The following ZNF45 variants were observed in gnomAD, a reference collection of about 807,000 sequenced individuals.
ZNF45 encodes zinc finger protein 45, also known as BRC1744.
ZNF45 carries 4 observed loss-of-function variants against 12.0 expected under a neutral mutation model. The ratio of observed to expected loss-of-function variants is 0.33; its 90% CI spans 0.16 to 0.76. The LOEUF is 0.76. ZNF45 is among the 30% of genes least tolerant of loss of function. The pLI is 0.60. For missense variants in ZNF45, 700 were observed against 813.0 expected (o/e 0.86, Z 1.69); for synonymous variants, 272 against 279.6 (o/e 0.97, Z 0.27).
chr19:43,914,984 T>C lies in ZNF45; in HGVS notation c.452A>G (p.His151Arg). The change falls in exon 10 of 10, where the codon CAT becomes CGT. Residue 151 changes from histidine (H) to arginine (R), a missense_variant. Coordinates refer to ENST00000269973, the MANE Select transcript of ZNF45 (RefSeq NM_003425.4). ...KDEGFSNQSS[H>R]LQVHRVHTGE... ...AGTGTGGACTCTGTGAACTTGAAGA[T>C]GGGAACTCTGATTACTGAATCCCTC... 1.2e-6 allele frequency: 2 copies of C among 1,604,882 alleles called. No individual in the cohort carries two copies. The highest frequency in any genetic ancestry group is 1.7e-6 in the Non-Finnish European group (2 of 1,173,176).
chr19:43,914,081 C>T lies in ZNF45; in HGVS notation c.1355G>A (p.Gly452Asp). 1.9e-6 allele frequency: 3 copies of T among 1,614,066 alleles called. No homozygotes were observed. The highest frequency in any genetic ancestry group is 1.7e-6 in the Non-Finnish European group (2 of 1,179,988). Residue 452 changes from glycine to aspartate, a missense_variant, in exon 10 of 10, where the codon GGC becomes GAC. Coordinates refer to ENST00000269973, the MANE Select transcript of ZNF45 (RefSeq NM_003425.4). ...KPYKCEECGKGFSQASNLLAH... is the reference protein window; with the variant it reads ...KPYKCEECGKDFSQASNLLAH... ...CAGAAGATTTGAGGCCTGGCTGAAG[C>T]CCTTGCCACACTCCTCACATTTATA...
chr19:43,919,212 G>A (rs1972926990), intron 8 of ZNF45, among the ~76,000 whole-genome samples: 1 of 152,076 alleles, frequency 6.6e-6, no homozygotes. Context: ...CTTGGCAACA[G>A]GACATAGTTT....
chr19:43,916,568 G>A (rs954513143), intron 9 of ZNF45, among the ~76,000 whole-genome samples: 1 of 152,078 alleles, frequency 6.6e-6, no homozygotes, highest in South Asian at 2.1e-4. Flanking sequence ...TTATGTCTCT[G>A]TTGAATGGAT....
chr19:43,925,121 C>G (rs1163317386), intron 4 of ZNF45: 1 of 152,194 alleles, frequency 6.6e-6, no homozygotes, highest in Non-Finnish European at 1.5e-5. Flanking sequence ...AGTAACCTAG[C>G]TCTTTCTCTC....
chr19:43,932,066 T>C (rs1189466467), intron 3 of ZNF45, among the ~76,000 whole-genome samples: 1 of 152,206 alleles, frequency 6.6e-6, no homozygotes, highest in African/African-American at 2.4e-5. Flanking sequence ...CCAGGCATGG[T>C]GGCTCATGCC....
In ZNF45 at chr19:43,914,699, T is replaced by G. The variant is rs1972492475; in HGVS notation, c.737A>C (p.Asn246Thr). The G allele has an allele frequency of 1.2e-6, 2 of 1,614,100 alleles. No individual in the cohort carries two copies. Among genetic ancestry groups the G allele is most frequent in the Admixed American group, 1.7e-5 (1 of 60,008 alleles). The stretch of plus-strand genomic sequence containing the variant: ...CCCACACTCTTCATATTTGTATGGA[T>G]TCTCTCCAGTGGGAACTCTCTGATG... ...PHHQRVPTGENPYKYEECGRN... is the reference protein window; with the variant it reads ...PHHQRVPTGETPYKYEECGRN... The change falls in exon 10 of 10, where the codon AAT (asparagine) becomes ACT (threonine). Residue 246 changes from asparagine (N) to threonine (T), a missense_variant. Asn to Thr is a moderately conservative substitution (Grantham distance 65, BLOSUM62 0). Coordinates refer to ENST00000269973, the MANE Select transcript of ZNF45 (RefSeq NM_003425.4).
chr19:43,919,371 A>T (rs943799373), intron 8 of ZNF45, among the ~76,000 whole-genome samples: 42 of 152,254 alleles, frequency 2.8e-4, no homozygotes, highest in African/African-American at 9.9e-4. Flanking sequence ...AAAAGTGTAT[A>T]GTTGTCATGC....
Position 43,922,213 on chromosome 19 carries a change from C to A in ZNF45, c.-28G>T. 1 of 1,601,156 alleles carries A rather than the reference C, an allele frequency of 6.2e-7. No homozygotes were observed. On this transcript the variant is annotated 5_prime_UTR_variant, in exon 7 of 10. Transcript: ENST00000269973. ...TGTCCTCCTCCTTCTGGAGAAGTGC[C>A]AAGTCTTAAGAGGGAAGGAGAAAAC... is the stretch of plus-strand genomic sequence containing the variant.
rs763424589 is a variant in ZNF45 at position 43,913,713 on chromosome 19, G to A, written c.1723C>T (p.Arg575Cys). 2.9e-5 allele frequency: 47 copies of A among 1,613,528 alleles called. No individual in the cohort carries two copies. Among genetic ancestry groups the A allele is most frequent in the East Asian group, 1.8e-4 (8 of 44,872 alleles). Residue 575 changes from arginine (R) to cysteine (C), a missense_variant, in exon 10 of 10, where the codon CGT becomes TGT. Arg to Cys is a radical substitution (Grantham distance 180, BLOSUM62 -3). Transcript: ENST00000269973. ...GGTTTTTCTCCTGTGTGGACTCCAC[G>A]ATGTGCCAGAAAATTGGAGGCCCGA... ...FCRASNFLAH[R>C]GVHTGEKPYR... is the part of the protein sequence containing the mutation.
chr19:43,916,557 T>C (rs1206558392), intron 9 of ZNF45, among the ~76,000 whole-genome samples: 3 of 152,228 alleles, frequency 2.0e-5, no homozygotes, highest in Non-Finnish European at 4.4e-5. Context: ...CTTATTATTT[T>C]TTATGTCTCT....
intron 3 of ZNF45, among the ~76,000 whole-genome samples, chr19:43,928,063 C>T (rs139611798): frequency 2.3e-4 from 35 of 151,798 alleles, no homozygotes; most frequent in African/African-American, 7.7e-4. Flanking sequence ...TGCCTGTAAT[C>T]CCAGCTACTC....
rs1184316032 is a variant in ZNF45 at position 43,912,855 on chromosome 19, T to C, written c.*532A>G. Reference sequence around the variant, plus strand: ...CCACTAACAAGCTGCAACCTTCAGTTTGATAAACACTTGTCCACGAGATCT... The same window carrying C: ...CCACTAACAAGCTGCAACCTTCAGTCTGATAAACACTTGTCCACGAGATCT... On this transcript the variant is annotated 3_prime_UTR_variant, in exon 10 of 10. Coordinates refer to ENST00000269973, the MANE Select transcript of ZNF45 (RefSeq NM_003425.4). The C allele has an allele frequency of 6.6e-6, 1 of 152,466 alleles. No homozygotes were observed. Among genetic ancestry groups the C allele is most frequent in the Non-Finnish European group, 1.5e-5 (1 of 68,280 alleles). The allele number at this position is 152,466 out of a possible 1,614,324, so 9.4% of individuals were successfully genotyped here.
At chr19:43,928,659 T>C (rs1973885196) in intron 3 of ZNF45, among the ~76,000 whole-genome samples, 1 of 152,224 alleles carries the variant, frequency 6.6e-6, no homozygotes, top group African/African-American at 2.4e-5. Context: ...ACTTGAGGTT[T>C]TCACCTCCAA....
chr19:43,933,327 G>A (rs1974282365), intron 2 of ZNF45, among the ~76,000 whole-genome samples: 1 of 152,054 alleles, frequency 6.6e-6, no homozygotes, highest in South Asian at 2.1e-4. Context: ...AAATTAGCAG[G>A]GCGTGGTGAC....
chr19:43,914,636 A>T lies in ZNF45; in HGVS notation c.800T>A (p.Leu267Gln). 6.2e-7 allele frequency: 1 copy of T among 1,613,604 alleles called. No homozygotes were observed. Among genetic ancestry groups the T allele is most frequent in the Non-Finnish European group, 8.5e-7 (1 of 1,179,708 alleles). ...VGKSSHCQAP[L>Q]IVHTGEKPYK... ...GGGTTTCTCTCCCGTATGAACTATCAGAGGAGCTTGACAATGTGAGCTTTT... is the reference window on the plus strand; with the variant it reads ...GGGTTTCTCTCCCGTATGAACTATCTGAGGAGCTTGACAATGTGAGCTTTT... The change falls in exon 10 of 10, where the codon CTG becomes CAG. Residue 267 changes from leucine (L) to glutamine (Q), a missense_variant. Coordinates refer to ENST00000269973, the MANE Select transcript of ZNF45 (RefSeq NM_003425.4).
intron 4 of ZNF45, among the ~76,000 whole-genome samples, chr19:43,924,979 T>C (rs1973552207): frequency 6.6e-6 from 1 of 152,176 alleles, no homozygotes; most frequent in Non-Finnish European, 1.5e-5. Context: ...TGTGGACCAA[T>C]GTCTGTGTCC....
In ZNF45 at chr19:43,914,471, T is replaced by C. The variant is rs1302226177; in HGVS notation, c.965A>G (p.His322Arg). 6.2e-7 allele frequency: 1 copy of C among 1,613,074 alleles called. No individual in the cohort carries two copies. The highest frequency in any genetic ancestry group is 8.5e-7 in the Non-Finnish European group (1 of 1,179,376). The change falls in exon 10 of 10, where the codon CAT becomes CGT. Residue 322 changes from histidine (H) to arginine (R), a missense_variant. Physicochemically the swap from His to Arg is conservative, Grantham distance 29. Coordinates refer to ENST00000269973, the MANE Select transcript of ZNF45 (RefSeq NM_003425.4). ...SFSWRSRLQA[H>R]ERIHTGEKPY... ...TTTCTCGCCAGTGTGGATTCGCTCATGAGCCTGCAGTCGTGAACGCCAACT... is the reference window on the plus strand; with the variant it reads ...TTTCTCGCCAGTGTGGATTCGCTCACGAGCCTGCAGTCGTGAACGCCAACT...
chr19:43,928,957 A>G (rs1973905955), intron 3 of ZNF45, among the ~76,000 whole-genome samples: 1 of 152,216 alleles, frequency 6.6e-6, no homozygotes, highest in Admixed American at 6.5e-5. Context: ...GTAGTATCTC[A>G]TTTGATTTTC....
intron 3 of ZNF45, among the ~76,000 whole-genome samples, chr19:43,932,200 G>A (rs1974189527): frequency 6.6e-6 from 1 of 152,198 alleles, no homozygotes; most frequent in African/African-American, 2.4e-5. Flanking sequence ...GCTGGGCATG[G>A]TGGTGCACGC....
Sources: allele counts gnomAD v4.1 joint callset (sites outside exome capture counted in the v4.1 genomes callset), GRCh38; gene constraint gnomAD v4.1.1; transcripts MANE v1.5; gene names NCBI Gene and HGNC (gene_info 2026-07-23, HGNC 2026-07-21).